The following CLHC1 variants were observed in gnomAD, a reference collection of about 807,000 sequenced individuals.
CLHC1 encodes the protein clathrin heavy chain linker domain containing 1, also known as clathrin heavy chain linker domain-containing protein 1.
In CLHC1, 72 loss-of-function variants were observed where a neutral mutation model predicts 69.5. The ratio of observed to expected loss-of-function variants is 1.04; its 90% CI spans 0.86 to 1.26. CLHC1 has a LOEUF of 1.26. Among genes scored for constraint, CLHC1 ranks in the 50% most tolerant of loss-of-function variants. The pLI, the probability that CLHC1 is intolerant of heterozygous loss-of-function variation, is 0.00. For synonymous variants in CLHC1, 223 were observed against 224.3 expected (o/e 0.99, Z 0.05); for missense variants, 790 against 679.3 (o/e 1.16, Z -1.81).
chr2:55,194,497 T>G (rs937126473), intron 9 of CLHC1, among the ~76,000 whole-genome samples: 3 of 151,728 alleles, frequency 2.0e-5, no homozygotes, highest in Non-Finnish European at 4.4e-5. Flanking sequence ...AAGGCAGAAA[T>G]ATCTCCTTTT....
intron 2 of CLHC1, chr2:55,224,434 C>T (rs1674492367): frequency 4.7e-6 from 2 of 428,060 alleles, no homozygotes; most frequent in African/African-American, 2.0e-5. Context: ...ATCCCTTCAC[C>T]TCCGACAATG....
intron 4 of CLHC1, among the ~76,000 whole-genome samples, chr2:55,213,519 C>A (rs1331237234): frequency 2.0e-5 from 3 of 152,186 alleles, no homozygotes; most frequent in Non-Finnish European, 4.4e-5. Context: ...AGACTAGGAC[C>A]TGATGTCTTT....
chr2:55,213,939 G>C (rs1673243079), intron 4 of CLHC1, among the ~76,000 whole-genome samples: 1 of 152,154 alleles, frequency 6.6e-6, no homozygotes, highest in African/African-American at 2.4e-5. Context: ...TGTGAGGAGA[G>C]ATTCTGGATA....
chr2:55,209,815 T>G lies in CLHC1; in HGVS notation c.516A>C (p.Glu172Asp), dbSNP rs765608051. Residue 172 changes from glutamate to aspartate, a missense_variant, in exon 6 of 13, where the codon GAA (glutamate) becomes GAC (aspartate). Physicochemically the swap from Glu to Asp is conservative, Grantham distance 45 (BLOSUM62 2). Transcript: ENST00000401408. Reference sequence around the variant, plus strand: ...TAGTGAGAGCATCTAGATTCATGGATTCTTGAAGAGTCATGCCTATGGGGA... The same window carrying G: ...TAGTGAGAGCATCTAGATTCATGGAGTCTTGAAGAGTCATGCCTATGGGGA... ...SKPIPGMTLQ[E>D]SMNLDALTKY... The G allele has an allele frequency of 1.2e-5, 19 of 1,606,896 alleles. 1 individual carries two copies. The highest frequency in any genetic ancestry group is 1.5e-5 in the Non-Finnish European group (18 of 1,175,526).
intron 9 of CLHC1, among the ~76,000 whole-genome samples, chr2:55,200,047 G>A (rs570308931): frequency 6.6e-6 from 1 of 152,006 alleles, no homozygotes; most frequent in African/African-American, 2.4e-5. Context: ...AACATGGTGA[G>A]ACCTTGTCTC....
At chr2:55,193,139 G>A (rs781008819) in intron 9 of CLHC1, among the ~76,000 whole-genome samples, 1 of 151,872 alleles carries the variant, frequency 6.6e-6, no homozygotes, top group East Asian at 1.9e-4. Context: ...TGATCCACCC[G>A]CCTCAGCCTC....
At position 55,217,947 on chromosome 2, in the gene CLHC1, CT is replaced by C; in HGVS notation, c.228del (p.Glu77AsnfsTer9). ...ATTGTCTCAATAAAGGCATCATATT[CT>C]TTTTTGATTGAAGTAAGAATGGATT... ...AYKSILTSIK[K>X]EYDAFIETIK... On this transcript the variant is annotated frameshift_variant, in exon 4 of 13. Coordinates refer to ENST00000401408, the MANE Select transcript of CLHC1 (RefSeq NM_152385.4). LOFTEE classifies it high-confidence loss of function. 6 of 1,585,344 alleles carry C rather than the reference CT, an allele frequency of 3.8e-6. No individual in the cohort carries two copies. Among genetic ancestry groups the C allele is most frequent in the Admixed American group, 1.8e-5 (1 of 55,594 alleles).
intron 9 of CLHC1, among the ~76,000 whole-genome samples, chr2:55,203,829 A>C (rs1195680721): frequency 6.6e-6 from 1 of 152,188 alleles, no homozygotes; most frequent in Non-Finnish European, 1.5e-5. Flanking sequence ...TCAAGGTAAA[A>C]AGCTTCTGCA....
chr2:55,212,849 A>T, intron 4 of CLHC1, 43 bp from the exon 5 acceptor site: 1 of 1,444,368 alleles, frequency 6.9e-7, no homozygotes, highest in Non-Finnish European at 9.7e-7. Context: ...AACTAACTTA[A>T]TTCTTGAACC....
chr2:55,209,381 A>G (rs757681944), intron 7 of CLHC1, 23 bp downstream of exon 7: 2 of 1,447,998 alleles, frequency 1.4e-6, no homozygotes, highest in Non-Finnish European at 1.9e-6. Flanking sequence ...ATTGGTACTA[A>G]TTTAAAAATA....
chr2:55,177,654 G>C lies in CLHC1; in HGVS notation c.1512C>G (p.Asp504Glu). ...GLAILHLFSA[D>E]MKKVGIKLLQ... is the part of the protein sequence containing the mutation. ...GTAGCTTAATGCCAACTTTTTTCAT[G>C]TCTGCAGAGAACAGATGAAGTATAG... The change falls in exon 12 of 13, where the codon GAC becomes GAG. Residue 504 changes from aspartate (D) to glutamate (E), a missense_variant. Asp to Glu is a conservative substitution (Grantham distance 45, BLOSUM62 2). Coordinates refer to ENST00000401408, the MANE Select transcript of CLHC1 (RefSeq NM_152385.4). The C allele has an allele frequency of 1.2e-6, 2 of 1,609,976 alleles. No homozygotes were observed. The highest frequency in any genetic ancestry group is 1.7e-6 in the Non-Finnish European group (2 of 1,177,590).
intron 4 of CLHC1, 90 bp downstream of exon 4, chr2:55,217,721 G>T: frequency 2.7e-6 from 2 of 751,420 alleles, no homozygotes; most frequent in South Asian, 3.0e-5. Flanking sequence ...AATTCAATAA[G>T]ACTAAGAACC....
rs751291728 is a variant in CLHC1 at position 55,212,793 on chromosome 2, C to T, written c.379G>A (p.Glu127Lys). The T allele has an allele frequency of 9.4e-6, 15 of 1,602,252 alleles. No homozygotes were observed. The highest frequency in any genetic ancestry group is 8.0e-5 in the African/African-American group (6 of 74,658). The change falls in exon 5 of 13, where the codon GAA becomes AAA. Residue 127 changes from glutamate to lysine, a missense_variant. Physicochemically the swap from Glu to Lys is moderately conservative, Grantham distance 56. Coordinates refer to ENST00000401408, the MANE Select transcript of CLHC1 (RefSeq NM_152385.4). The part of the protein sequence containing the change: ...IQLEAKMRII[E>K]SNSSKIQSQI... ...GATTGAATCTTCGAGGAATTACTTT[C>T]GATAATCCTCATTCTGGAAAACAGA...
intron 8 of CLHC1, among the ~76,000 whole-genome samples, chr2:55,208,336 A>G (rs938177331): frequency 6.6e-6 from 1 of 152,212 alleles, no homozygotes; most frequent in Non-Finnish European, 1.5e-5. Flanking sequence ...ATTTTATATA[A>G]TATTTCTAAT....
intron 9 of CLHC1, among the ~76,000 whole-genome samples, chr2:55,188,082 G>T (rs1356064825): frequency 6.6e-6 from 1 of 152,144 alleles, no homozygotes; most frequent in Non-Finnish European, 1.5e-5. Flanking sequence ...GGGAGGCCAA[G>T]GTGGGAGGAT....
chr2:55,211,038 T>G (rs1308963275), intron 5 of CLHC1, among the ~76,000 whole-genome samples: 1 of 152,148 alleles, frequency 6.6e-6, no homozygotes, highest in Non-Finnish European at 1.5e-5. Flanking sequence ...TTGACTTTAG[T>G]ACATATCACA....
chr2:55,227,412 G>A (rs1674809191), intron 2 of CLHC1, among the ~76,000 whole-genome samples: 4 of 152,160 alleles, frequency 2.6e-5, no homozygotes, highest in Admixed American at 2.0e-4. Flanking sequence ...AGGCGCGGTG[G>A]CTCACGCCTA....
chr2:55,209,919 A>G (rs1672821228), intron 5 of CLHC1, 88 bp from the exon 6 acceptor site: 1 of 788,756 alleles, frequency 1.3e-6, no homozygotes, highest in Non-Finnish European at 2.1e-6. Context: ...ACAGTTCACT[A>G]TGTTAAGAAA....
chr2:55,206,685 G>C (rs930832183), intron 8 of CLHC1: 1 of 256,676 alleles, frequency 3.9e-6, no homozygotes, highest in Admixed American at 5.4e-5. Flanking sequence ...GAAAGAACTT[G>C]AATTTATTAT....
Sources: allele counts gnomAD v4.1 joint callset (sites outside exome capture counted in the v4.1 genomes callset), GRCh38; gene constraint gnomAD v4.1.1; transcripts MANE v1.5; gene names NCBI Gene and HGNC (gene_info 2026-07-23, HGNC 2026-07-21).